Variants in PLCXD2 observed in about 807,000 individuals in gnomAD.
The protein encoded by PLCXD2 is phosphatidylinositol specific phospholipase C X domain containing 2.
A neutral mutation model predicts 28.6 loss-of-function variants in PLCXD2; 21 were observed. The observed-to-expected ratio is 0.73, with a 90% CI of 0.52 to 1.06. The LOEUF (loss-of-function observed/expected upper bound fraction) is 1.06, where lower values mean the gene tolerates loss of function less well. Among genes scored for constraint, PLCXD2 ranks in the 50% least tolerant of loss-of-function variants. The probability of loss-of-function intolerance (pLI) is 0.00; values close to 1 mark genes in which losing one functional copy is unlikely to be tolerated. For synonymous variants in PLCXD2, 140 were observed against 150.1 expected (o/e 0.93, Z 0.49); for missense variants, 369 against 376.7 (o/e 0.98, Z 0.17).
intron 1 of PLCXD2, among the ~76,000 whole-genome samples, chr3:111,678,077 AGGCAAGCCTTCT>A (rs1940651838): frequency 6.6e-6 from 1 of 152,170 alleles, no homozygotes; most frequent in African/African-American, 2.4e-5. Context: ...GGCAGGGAAA[AGGCAAGCCTTCT>A]GGCAACAATA....
intron 2 of PLCXD2, among the ~76,000 whole-genome samples, chr3:111,710,512 A>G (rs1320610594): frequency 6.6e-6 from 1 of 152,160 alleles, no homozygotes; most frequent in Non-Finnish European, 1.5e-5. Context: ...TAAGCAACTC[A>G]CCCGAGAGAA....
intron 1 of PLCXD2, among the ~76,000 whole-genome samples, chr3:111,689,349 C>G (rs1352874199): frequency 6.6e-6 from 1 of 152,208 alleles, no homozygotes; most frequent in Non-Finnish European, 1.5e-5. Context: ...TACGGAAAGA[C>G]AGACAAGCCA....
chr3:111,714,163 T>A, intron 3 of PLCXD2, 35 bp downstream of exon 3: 1 of 1,598,418 alleles, frequency 6.3e-7, no homozygotes, highest in Non-Finnish European at 8.5e-7. Context: ...AGGAAAGCTT[T>A]TTAAAAAATA....
intron 1 of PLCXD2, among the ~76,000 whole-genome samples, chr3:111,697,723 G>A (rs1204517391): frequency 6.6e-6 from 1 of 152,020 alleles, no homozygotes; most frequent in Non-Finnish European, 1.5e-5. Context: ...TTGGCAACAG[G>A]TTGGATTTGT....
Position 111,704,673 on chromosome 3 carries a change from C to A in PLCXD2, c.164-3253C>A, listed in dbSNP as rs796616960. 1.9e-4 allele frequency among the ~76,000 whole-genome samples: 29 copies of A among 152,294 alleles called. 1 individual carries two copies. Among genetic ancestry groups the A allele is most frequent in the African/African-American group, 7.0e-4 (29 of 41,562 alleles). Reference sequence around the variant, plus strand: ...ATCAGTGTAATTGGTATAACCATCACCTCAAACATTTATCATTTCCTTGTG... The same window carrying A: ...ATCAGTGTAATTGGTATAACCATCAACTCAAACATTTATCATTTCCTTGTG... On this transcript the variant is annotated intron_variant, in intron 1 of 4. Transcript: ENST00000477665.
Position 111,685,247 on chromosome 3 carries a change from A to T in PLCXD2, c.163+9839A>T, listed in dbSNP as rs565311450. 2.6e-5 allele frequency among the ~76,000 whole-genome samples: 4 copies of T among 152,348 alleles called. No homozygotes were observed. The South Asian group carries it at 8.3e-4, about 32-fold the overall frequency. On this transcript the variant is annotated intron_variant, in intron 1 of 4. Transcript: ENST00000477665. ...GCTGATATCCTCATTTTTAGATTAT[A>T]TATTTTAGATTTGAACTAAGATTGT...
chr3:111,723,198 A>G (rs887232106), intron 3 of PLCXD2: 3 of 152,280 alleles, frequency 2.0e-5, no homozygotes, highest in African/African-American at 7.2e-5. Flanking sequence ...GCAAAGAGAT[A>G]AGGAGGCAAG....
intron 3 of PLCXD2, chr3:111,726,615 C>T (rs552994267): frequency 3.9e-5 from 6 of 152,204 alleles, no homozygotes; most frequent in African/African-American, 1.4e-4. Flanking sequence ...TGCACATATG[C>T]TTCTTGATAT....
chr3:111,680,686 T>C (rs141597836), intron 1 of PLCXD2, among the ~76,000 whole-genome samples: 19 of 152,312 alleles, frequency 1.2e-4, no homozygotes, highest in Non-Finnish European at 2.4e-4. Context: ...GAATCACACA[T>C]GTCTATAAAC....
chr3:111,688,560 C>A (rs1490012024), intron 1 of PLCXD2, among the ~76,000 whole-genome samples: 1 of 152,196 alleles, frequency 6.6e-6, no homozygotes, highest in Non-Finnish European at 1.5e-5. Flanking sequence ...TATCCAGCCC[C>A]TTCAGAGGTT....
intron 3 of PLCXD2, among the ~76,000 whole-genome samples, chr3:111,714,502 G>A (rs1941242601): frequency 6.6e-6 from 1 of 152,152 alleles, no homozygotes; most frequent in African/African-American, 2.4e-5. Context: ...TGCTGTCCTA[G>A]GTGCTAAGGA....
chr3:111,714,039 C>T lies in PLCXD2; in HGVS notation c.777C>T (p.Ser259=). ...TGAGTGAGCGGGCCTCACGGGGCTC[C>T]TTCCATGTCTCCCAAGCGATCCTCA... The change falls in exon 3 of 5, where the codon TCC becomes TCT. Residue 259 remains serine (S), a synonymous_variant. Coordinates refer to ENST00000477665, the MANE Select transcript of PLCXD2 (RefSeq NM_001185106.1). The T allele has an allele frequency of 6.2e-7, 1 of 1,614,150 alleles. No individual in the cohort carries two copies.
chr3:111,675,099 T>C lies in PLCXD2; in HGVS notation c.-147T>C, dbSNP rs1293368339. On this transcript the variant is annotated 5_prime_UTR_variant, in exon 1 of 5. Transcript: ENST00000477665. Reference sequence around the variant, plus strand: ...GTGAGTGCTAGTGGGTAAGGATCCATCTGTTTGCCCCGTCCCCCAGCCAGA... The same window carrying C: ...GTGAGTGCTAGTGGGTAAGGATCCACCTGTTTGCCCCGTCCCCCAGCCAGA... 3 of 860,094 alleles carry C rather than the reference T, an allele frequency of 3.5e-6. No individual in the cohort carries two copies. In the African/African-American group the frequency reaches 5.1e-5, roughly 15 times the overall value. The allele number at this position is 860,094 out of a possible 1,614,324, so 53.3% of individuals were successfully genotyped here. A position where few individuals can be genotyped will look rare whatever the true frequency, so the allele number is the denominator to read the frequency against.
At chr3:111,716,950 A>C (rs1941274592) in intron 3 of PLCXD2, among the ~76,000 whole-genome samples, 1 of 152,238 alleles carries the variant, frequency 6.6e-6, no homozygotes, top group Non-Finnish European at 1.5e-5. Flanking sequence ...GAATGCAATA[A>C]GAAGGCGGCT....
chr3:111,708,259 A>G lies in PLCXD2; in HGVS notation c.497A>G (p.Tyr166Cys), dbSNP rs778426481. 5.6e-6 allele frequency: 9 copies of G among 1,614,174 alleles called. No homozygotes were observed. The highest frequency in any genetic ancestry group is 5.0e-5 in the Admixed American group (3 of 60,022). Residue 166 changes from tyrosine (Y) to cysteine (C), a missense_variant, in exon 2 of 5, where the codon TAT (tyrosine) becomes TGT (cysteine). By Grantham distance (194) the Tyr-to-Cys change is radical. Transcript: ENST00000477665. Reference sequence around the variant, plus strand: ...ATCTTCCTGGATTTCAACCACTTCTATGCCATGGATGAGACCCATCACAAA... The same window carrying G: ...ATCTTCCTGGATTTCAACCACTTCTGTGCCATGGATGAGACCCATCACAAA...
rs994492855 is a variant in PLCXD2, at chr3:111,698,034, T to A, written c.164-9892T>A. Reference sequence around the variant, plus strand: ...ACTTCATTTTTCCTAGCCCTAAATGTTAATTGCCATGACAGATCCTCAAAT... The same window carrying A: ...ACTTCATTTTTCCTAGCCCTAAATGATAATTGCCATGACAGATCCTCAAAT... On this transcript the variant is annotated intron_variant, in intron 1 of 4. Transcript: ENST00000477665. Among the ~76,000 whole-genome samples the A allele has an allele frequency of 5.3e-5, 8 of 152,362 alleles. No individual in the cohort carries two copies. In the South Asian group the frequency reaches 1.7e-3, roughly 32 times the overall value.
chr3:111,696,955 T>C (rs1220421634), intron 1 of PLCXD2, among the ~76,000 whole-genome samples: 1 of 152,154 alleles, frequency 6.6e-6, no homozygotes, highest in African/African-American at 2.4e-5. Context: ...AGGTGGGCTT[T>C]TTTTCCACTG....
chr3:111,687,919 C>T (rs750101371), intron 1 of PLCXD2, among the ~76,000 whole-genome samples: 10 of 152,122 alleles, frequency 6.6e-5, no homozygotes, highest in South Asian at 2.1e-4. Context: ...GCGATCCTCT[C>T]GCAATGACCT....
chr3:111,716,605 T>C (rs552667145), intron 3 of PLCXD2, among the ~76,000 whole-genome samples: 1 of 152,262 alleles, frequency 6.6e-6, no homozygotes, highest in East Asian at 1.9e-4. Context: ...TTGCCTAAGC[T>C]TGAGGACAGA....
Sources: gnomAD v4.1 joint callset for allele counts (sites outside exome capture counted in the v4.1 genomes callset) on GRCh38, gnomAD v4.1.1 for gene constraint, MANE v1.5 for transcripts, NCBI Gene and HGNC (gene_info 2026-07-23, HGNC 2026-07-21) for gene names.